The following ARAP2 variants were observed in gnomAD, a reference collection of about 807,000 sequenced individuals.
The protein encoded by ARAP2 is arf-GAP with Rho-GAP domain, ANK repeat and PH domain-containing protein 2.
ARAP2 carries 148 observed loss-of-function variants against 194.5 expected under a neutral mutation model. The observed-to-expected ratio is 0.76, with a 90% CI of 0.67 to 0.87. The LOEUF is 0.87. Among genes scored for constraint, ARAP2 ranks in the 40% least tolerant of loss-of-function variants. The probability of loss-of-function intolerance (pLI) is 0.00; values close to 1 mark genes in which losing one functional copy is unlikely to be tolerated. For missense variants in ARAP2, 2,128 were observed against 1,989.7 expected (o/e 1.07, Z -1.32); for synonymous variants, 695 against 683.5 (o/e 1.02, Z -0.26).
At chr4:36,013,294 T>G (rs1333878749) in intron 8 of ARAP2, among the ~76,000 whole-genome samples, 1 of 152,190 alleles carries the variant, frequency 6.6e-6, no homozygotes, top group Non-Finnish European at 1.5e-5. Context: ...TTTAACTAAA[T>G]GACGTAATAC....
chr4:36,119,570 TACAC>T (rs1178594762), intron 24 of ARAP2, 76 bp downstream of exon 24: 2 of 1,008,796 alleles, frequency 2.0e-6, no homozygotes, highest in Non-Finnish European at 2.9e-6. Context: ...AACTTGAAAA[TACAC>T]ACAGCAAATG....
At chr4:36,193,553 T>A in intron 7 of ARAP2, 25 bp downstream of exon 7, 1 of 1,529,100 alleles carries the variant, frequency 6.5e-7, no homozygotes, top group Non-Finnish European at 8.8e-7. Flanking sequence ...AAAAGCAATT[T>A]TTGAAAACTG....
intron 8 of ARAP2, among the ~76,000 whole-genome samples, chr4:36,180,078 G>C (rs1738876657): frequency 6.6e-6 from 1 of 152,104 alleles, no homozygotes; most frequent in African/African-American, 2.4e-5. Flanking sequence ...CTCAAGACCA[G>C]CCTGGCCAAC....
At chr4:36,198,521 G>A (rs1034801154) in intron 6 of ARAP2, among the ~76,000 whole-genome samples, 1 of 152,192 alleles carries the variant, frequency 6.6e-6, no homozygotes, top group South Asian at 2.1e-4. Flanking sequence ...CATGTCAAGA[G>A]GTGTCTGCAG....
chr4:36,111,261 C>T (rs561766765), intron 26 of ARAP2, among the ~76,000 whole-genome samples: 1 of 151,980 alleles, frequency 6.6e-6, no homozygotes, highest in East Asian at 1.9e-4. Context: ...ACTACCTATG[C>T]CTTTACTTTT....
chr4:36,213,366 G>A, intron 3 of ARAP2, 47 bp from the exon 4 acceptor site: 4 of 1,333,448 alleles, frequency 3.0e-6, no homozygotes, highest in South Asian at 2.5e-5. Context: ...TGAATAATGT[G>A]AAATACTGTT....
intron 5 of ARAP2, among the ~76,000 whole-genome samples, 197 bp downstream of exon 5, chr4:36,212,199 A>G (rs1746910283): frequency 8.3e-6 from 1 of 120,336 alleles, no homozygotes; most frequent in African/African-American, 3.0e-5. Context: ...CACAGAATGC[A>G]ACTATTTACT....
At chr4:36,020,411 C>A (rs1400448045) in intron 5 of ARAP2, among the ~76,000 whole-genome samples, 1 of 151,964 alleles carries the variant, frequency 6.6e-6, no homozygotes, top group African/African-American at 2.4e-5. Context: ...AACAAGGCCC[C>A]CGCCCCCACC....
chr4:36,120,267 G>A (rs1200969745), intron 23 of ARAP2, among the ~76,000 whole-genome samples: 4 of 151,572 alleles, frequency 2.6e-5, no homozygotes, highest in African/African-American at 9.7e-5. Context: ...AAGAAGTAAA[G>A]AGGAGATCAA....
chr4:36,089,974 T>C (rs1399815800), intron 28 of ARAP2, among the ~76,000 whole-genome samples: 1 of 151,980 alleles, frequency 6.6e-6, no homozygotes, highest in Admixed American at 6.6e-5. Flanking sequence ...TATTACATTA[T>C]ATTTATAAAA....
At chr4:36,070,071 CTAAT>C (rs1228019377) in intron 32 of ARAP2, among the ~76,000 whole-genome samples, 1 of 152,044 alleles carries the variant, frequency 6.6e-6, no homozygotes. Flanking sequence ...AAACCGTGGG[CTAAT>C]TAAACATCTT....
At chr4:36,211,197 T>C (rs1746686596) in intron 5 of ARAP2, among the ~76,000 whole-genome samples, 1 of 152,104 alleles carries the variant, frequency 6.6e-6, no homozygotes, top group South Asian at 2.1e-4. Context: ...AAGGACCCCA[T>C]GTTTCACCAC....
intron 8 of ARAP2, among the ~76,000 whole-genome samples, chr4:36,182,926 T>C (rs1739616610): frequency 6.6e-6 from 1 of 152,172 alleles, no homozygotes; most frequent in Admixed American, 6.5e-5. Context: ...GCTGAATATA[T>C]GACTGTGGAG....
At chr4:36,159,225 C>T in intron 14 of ARAP2, 106 bp downstream of exon 14, 2 of 1,225,270 alleles carry the variant, frequency 1.6e-6, no homozygotes, top group Non-Finnish European at 2.2e-6. Context: ...TTACATTTTT[C>T]TTCATTCTGA....
intron 8 of ARAP2, among the ~76,000 whole-genome samples, chr4:36,178,497 C>T (rs1355190115): frequency 6.6e-6 from 1 of 152,306 alleles, no homozygotes; most frequent in East Asian, 1.9e-4. Flanking sequence ...AGTATGCCTG[C>T]TTCAGTGTCA....
chr4:36,131,333 ATATG>A (rs1016722802), intron 20 of ARAP2, among the ~76,000 whole-genome samples: 19 of 150,704 alleles, frequency 1.3e-4, no homozygotes, highest in African/African-American at 4.4e-4. Context: ...AAACACAATT[ATATG>A]TATAACTATA....
chr4:36,095,207 C>T (rs1714835463), intron 27 of ARAP2, among the ~76,000 whole-genome samples: 1 of 152,138 alleles, frequency 6.6e-6, no homozygotes, highest in Admixed American at 6.6e-5. Context: ...GCAGAGCCAC[C>T]AGCGATAGAT....
At chr4:36,220,876 G>T (rs114662841) in intron 2 of ARAP2, among the ~76,000 whole-genome samples, 1 of 152,072 alleles carries the variant, frequency 6.6e-6, no homozygotes, top group African/African-American at 2.4e-5. Flanking sequence ...ATAAGCTAGG[G>T]TTAATTTATC....
At chr4:36,138,001 A>C (rs1247754882) in intron 19 of ARAP2, among the ~76,000 whole-genome samples, 1 of 151,738 alleles carries the variant, frequency 6.6e-6, no homozygotes, top group African/African-American at 2.4e-5. Flanking sequence ...CTCTTCTTCA[A>C]GACTGTACAC....
Sources: gnomAD v4.1 joint callset for allele counts (sites outside exome capture counted in the v4.1 genomes callset) on GRCh38, gnomAD v4.1.1 for gene constraint, MANE v1.5 for transcripts, NCBI Gene and HGNC (gene_info 2026-07-23, HGNC 2026-07-21) for gene names.